ERO1A: variants seen among roughly 807,000 people sequenced by gnomAD.
The protein encoded by ERO1A is ERO1-like protein alpha.
A neutral mutation model predicts 76.9 loss-of-function variants in ERO1A; 49 were observed. The observed-to-expected ratio is 0.64, with a 90% CI of 0.51 to 0.81. The LOEUF (loss-of-function observed/expected upper bound fraction) is 0.81. Ranked by LOEUF, ERO1A falls within the 30% of genes least tolerant of loss-of-function variation. ERO1A has a pLI of 0.00. For synonymous variants in ERO1A, 174 were observed against 181.2 expected, an observed-to-expected ratio of 0.96 and a Z score of 0.32; for missense variants, 448 against 542.1, an observed-to-expected ratio of 0.83 and a Z score of 1.72.
chr14:52,664,853 G>A (rs2040353927), intron 7 of ERO1A, among the ~76,000 whole-genome samples: 1 of 151,888 alleles, frequency 6.6e-6, no homozygotes. Context: ...CACTACGCCC[G>A]GCTAATTTTT....
chr14:52,682,926 G>C (rs1297391392), intron 2 of ERO1A, among the ~76,000 whole-genome samples: 2 of 151,708 alleles, frequency 1.3e-5, no homozygotes, highest in Admixed American at 1.3e-4. Context: ...ACACAGATTG[G>C]GCTGGGCAAG....
chr14:52,646,519 T>A (rs2039662283), intron 13 of ERO1A, 58 bp from the exon 14 acceptor site: 1 of 1,376,410 alleles, frequency 7.3e-7, no homozygotes, highest in Non-Finnish European at 1.0e-6. Context: ...TTAGTAAGTA[T>A]TTTCTGAGCA....
At chr14:52,682,185 G>T (rs968973706) in intron 3 of ERO1A, 140 bp downstream of exon 3, 6 of 624,356 alleles carry the variant, frequency 9.6e-6, no homozygotes, top group Non-Finnish European at 1.6e-5. Flanking sequence ...TTTGAGCCCA[G>T]AAATTCAAGA....
chr14:52,688,025 A>AAAAAT (rs1015397257), intron 1 of ERO1A, among the ~76,000 whole-genome samples: 13 of 152,092 alleles, frequency 8.5e-5, no homozygotes, highest in African/African-American at 3.1e-4. Flanking sequence ...ATCTCTACAA[A>AAAAAT]AAAATAAAAT....
At chr14:52,693,599 G>C (rs2357805) in intron 1 of ERO1A, among the ~76,000 whole-genome samples, 36,715 of 151,928 alleles carry the variant, frequency 0.24, 4,531 homozygotes, top group East Asian at 0.37. Context: ...ACTCCATCCT[G>C]CCACCTCAGT....
intron 4 of ERO1A, among the ~76,000 whole-genome samples, chr14:52,673,965 T>C (rs2040696070): frequency 6.6e-6 from 1 of 152,216 alleles, no homozygotes; most frequent in Admixed American, 6.5e-5. Context: ...TATGAATTAT[T>C]TGTATATTTT....
At chr14:52,675,385 C>CAA (rs1295109521) in intron 4 of ERO1A, among the ~76,000 whole-genome samples, 1 of 124,036 alleles carries the variant, frequency 8.1e-6, no homozygotes. Flanking sequence ...AACTCCGTCT[C>CAA]AAAAAAAAAA....
At chr14:52,682,191 C>A in intron 3 of ERO1A, 134 bp downstream of exon 3, 1 of 642,936 alleles carries the variant, frequency 1.6e-6, no homozygotes, top group East Asian at 3.0e-5. Flanking sequence ...CCCAGAAATT[C>A]AAGACCAACC....
chr14:52,642,365 C>G lies in ERO1A; in HGVS notation c.*1205G>C, dbSNP rs1369388576. 2 of 152,032 alleles carry G rather than the reference C, an allele frequency of 1.3e-5. No individual in the cohort carries two copies. The highest frequency in any genetic ancestry group is 2.9e-5 in the Non-Finnish European group (2 of 68,024). The allele number at this position is 152,032 out of a possible 1,614,324, so 9.4% of individuals were successfully genotyped here. ...CTTGGGCAACACAGCAAAACCTTGT[C>G]TCTAAAAAAAATTTTAATAAAATAA... On this transcript the variant is annotated 3_prime_UTR_variant, in exon 16 of 16. Transcript: ENST00000395686.
At chr14:52,666,077 C>T (rs59809819) in intron 7 of ERO1A, among the ~76,000 whole-genome samples, 1,616 of 152,258 alleles carry the variant, frequency 0.011, 19 homozygotes, top group African/African-American at 0.036. Flanking sequence ...GGAAATGAAG[C>T]AAACCTCTCC....
At position 52,640,034 on chromosome 14, in the gene ERO1A, T is replaced by C. The variant is rs1339074959; in HGVS notation, c.*3536A>G. 1.3e-5 allele frequency: 2 copies of C among 152,234 alleles called. No individual in the cohort carries two copies. The highest frequency in any genetic ancestry group is 3.8e-4 in the East Asian group (2 of 5,200). The allele number at this position is 152,234 out of a possible 1,614,324, so 9.4% of individuals were successfully genotyped here. ...TGGAATATAGGTAGGACCTCTAATA[T>C]AATAAAGATGTCACTTTAAAATCAA... On this transcript the variant is annotated 3_prime_UTR_variant, in exon 16 of 16. Coordinates refer to ENST00000395686, the MANE Select transcript of ERO1A (RefSeq NM_014584.3).
intron 4 of ERO1A, among the ~76,000 whole-genome samples, chr14:52,678,109 T>C (rs1227625515): frequency 2.0e-5 from 3 of 151,786 alleles, no homozygotes; most frequent in Non-Finnish European, 4.4e-5. Flanking sequence ...CTACTAAAAA[T>C]ATAAAAATTA....
At chr14:52,645,583 C>T (rs1027405729) in intron 15 of ERO1A, among the ~76,000 whole-genome samples, 4 of 151,570 alleles carry the variant, frequency 2.6e-5, no homozygotes, top group African/African-American at 4.8e-5. Flanking sequence ...CCACCGTGCC[C>T]GGCCCTAATT....
In ERO1A at chr14:52,643,297, T is replaced by A. The variant is rs1393052440; in HGVS notation, c.*273A>T. 8.5e-6 allele frequency: 2 copies of A among 235,648 alleles called. No homozygotes were observed. The highest frequency in any genetic ancestry group is 1.6e-5 in the Non-Finnish European group (2 of 124,258). 14.6% of individuals were successfully genotyped at this position (235,648 alleles called of 1,614,324 possible). On this transcript the variant is annotated 3_prime_UTR_variant, in exon 16 of 16. Transcript: ENST00000395686. ...AGACTTAGAACATTCACTTTTATCA[T>A]ATATGAATTTGATAATCCTCCTTTT...
chr14:52,663,770 A>C (rs777296329), intron 8 of ERO1A, 31 bp downstream of exon 8: 25 of 1,360,276 alleles, frequency 1.8e-5, no homozygotes, highest in Non-Finnish European at 2.6e-5. Context: ...CTGGCTGAGA[A>C]ATAATATAAC....
intron 4 of ERO1A, among the ~76,000 whole-genome samples, chr14:52,674,894 A>G: frequency 6.6e-6 from 1 of 152,370 alleles, no homozygotes; most frequent in South Asian, 2.1e-4. Flanking sequence ...TTAAAAGCAC[A>G]TATAAACAAA....
At chr14:52,645,717 A>G (rs2039626004) in intron 15 of ERO1A, among the ~76,000 whole-genome samples, 1 of 151,914 alleles carries the variant, frequency 6.6e-6, no homozygotes, top group Non-Finnish European at 1.5e-5. Context: ...CAAAAAAAAT[A>G]TTCCTGGCTG....
chr14:52,644,516 A>G (rs1362507812), intron 15 of ERO1A, among the ~76,000 whole-genome samples: 2 of 152,222 alleles, frequency 1.3e-5, no homozygotes, highest in Admixed American at 1.3e-4. Flanking sequence ...TAAAGTATAT[A>G]GTATTTGGTA....
intron 1 of ERO1A, among the ~76,000 whole-genome samples, chr14:52,690,402 G>A (rs775725559): frequency 1.3e-5 from 2 of 152,124 alleles, no homozygotes; most frequent in Non-Finnish European, 2.9e-5. Flanking sequence ...AAATATAAAA[G>A]GAACTCATAC....
Sources: gnomAD v4.1 joint callset for allele counts (sites outside exome capture counted in the v4.1 genomes callset) on GRCh38, gnomAD v4.1.1 for gene constraint, MANE v1.5 for transcripts, NCBI Gene and HGNC (gene_info 2026-07-23, HGNC 2026-07-21) for gene names.